Variants in CTNNA2 observed in about 807,000 individuals in gnomAD.
The protein encoded by CTNNA2 is catenin alpha-2.
CTNNA2 carries 42 observed loss-of-function variants against 101.0 expected under a neutral mutation model. That is an observed-to-expected ratio of 0.42 (90% CI 0.32 to 0.54). CTNNA2 has a LOEUF of 0.54. Ranked by LOEUF, CTNNA2 falls within the 20% of genes least tolerant of loss-of-function variation. The pLI, the probability that CTNNA2 is intolerant of heterozygous loss-of-function variation, is 0.14. For synonymous variants in CTNNA2, 450 were observed against 456.4 expected (o/e 0.99, Z 0.18); for missense variants, 871 against 1,223.1 (o/e 0.71, Z 4.29).
chr2:79,640,543 G>A (rs1680381259), intron 1 of CTNNA2, among the ~76,000 whole-genome samples: 1 of 152,082 alleles, frequency 6.6e-6, no homozygotes. Context: ...TATAAATTAC[G>A]TTCTCTAAAT....
chr2:79,395,974 A>G (rs888525717), intron 4 of CTNNA2, among the ~76,000 whole-genome samples: 2 of 152,134 alleles, frequency 1.3e-5, no homozygotes, highest in African/African-American at 4.8e-5. Context: ...CCATTAATGT[A>G]ACTGGGAGTT....
At chr2:80,630,049 G>C (rs534428915) in intron 18 of CTNNA2, among the ~76,000 whole-genome samples, 3 of 152,234 alleles carry the variant, frequency 2.0e-5, no homozygotes, top group South Asian at 4.1e-4. Context: ...AGGCCCCTGA[G>C]AGCCCACCAC....
chr2:79,400,719 G>A (rs1678281614), intron 4 of CTNNA2, among the ~76,000 whole-genome samples: 1 of 151,818 alleles, frequency 6.6e-6, no homozygotes, highest in African/African-American at 2.4e-5. Flanking sequence ...AGAGAAAAAG[G>A]GGTATAAAAA....
In CTNNA2 at chr2:80,168,624, C is replaced by A. The variant is rs543207200; in HGVS notation, c.1057-224587C>A. On this transcript the variant is annotated intron_variant, in intron 7 of 18. Coordinates refer to ENST00000402739, the MANE Select transcript of CTNNA2 (RefSeq NM_001282597.3). ...AGGAGTTGTTTCCAGGCCATAATAT[C>A]CATTCTTTTATGTAATTAATAGTAG... Among the ~76,000 whole-genome samples the A allele has an allele frequency of 1.1e-4, 16 of 152,264 alleles. No individual in the cohort carries two copies. The East Asian group carries it at 2.9e-3, about 28-fold the overall frequency.
chr2:79,848,474 G>T (rs1680415181), intron 3 of CTNNA2, among the ~76,000 whole-genome samples: 1 of 152,114 alleles, frequency 6.6e-6, no homozygotes, highest in Admixed American at 6.5e-5. Flanking sequence ...TCTCATTTGT[G>T]AAGTATGCCA....
rs147542100 is a variant in CTNNA2 at position 79,475,989 on chromosome 2, A to G, written c.-134-29065A>G. Among the ~76,000 whole-genome samples, 444 of 152,350 alleles carry G rather than the reference A, an allele frequency of 2.9e-3. 2 individuals are homozygous for G. The highest frequency in any genetic ancestry group is 9.7e-3 in the African/African-American group (405 of 41,576). On this transcript the variant is annotated intron_variant, in intron 4 of 21. Transcript: ENST00000466387. ...GATAAAAAATGTATTGCTGAATTCAACAACAGCCTAGATTCCTGGAATGAT... is the reference window on the plus strand; with the variant it reads ...GATAAAAAATGTATTGCTGAATTCAGCAACAGCCTAGATTCCTGGAATGAT...
rs771743686 is a variant in CTNNA2, at chr2:80,539,961, C to T, written c.1291-5021C>T. ...AATTCAAGAGTGGAGAAGGCAGAGG[C>T]GGGGCCCAGTTGAGCAAGTATATCC... On this transcript the variant is annotated intron_variant, in intron 9 of 18. Transcript: ENST00000402739. Among the ~76,000 whole-genome samples the T allele has an allele frequency of 1.4e-3, 209 of 152,150 alleles. 4 individuals are homozygous for T. The highest frequency in any genetic ancestry group is 2.1e-3 in the African/African-American group (89 of 41,420).
intron 4 of CTNNA2, among the ~76,000 whole-genome samples, chr2:79,401,828 A>G (rs1430934172): frequency 6.6e-6 from 1 of 151,590 alleles, no homozygotes; most frequent in African/African-American, 2.4e-5. Flanking sequence ...TTTATTGAAT[A>G]TATACCTTTT....
chr2:80,178,094 A>G, intron 7 of CTNNA2, among the ~76,000 whole-genome samples: 1 of 152,188 alleles, frequency 6.6e-6, no homozygotes, highest in East Asian at 1.9e-4. Context: ...GGAAATATCC[A>G]TGAGGCCATC....
chr2:80,589,472 A>G lies in CTNNA2; in HGVS notation c.2176A>G (p.Thr726Ala). 1 of 1,613,726 alleles carries G rather than the reference A, an allele frequency of 6.2e-7. No individual in the cohort carries two copies. The highest frequency in any genetic ancestry group is 8.5e-7 in the Non-Finnish European group (1 of 1,179,678). The change falls in exon 15 of 19, where the codon ACA becomes GCA. Residue 726 changes from threonine to alanine, a missense_variant. Thr to Ala is a moderately conservative substitution (Grantham distance 58). Around this residue, in one of 5 missense-constraint regions of CTNNA2, gnomAD observed 93 missense variants for 223.7 expected, o/e 0.42. Transcript: ENST00000402739. Reference sequence around the variant, plus strand: ...GATGTGTATGATCATGATGGAAATGACAGACTTCACAAGGTGAGGCCCAGA... The same window carrying G: ...GATGTGTATGATCATGATGGAAATGGCAGACTTCACAAGGTGAGGCCCAGA... The part of the protein sequence containing the change: ...KQMCMIMMEM[T>A]DFTRGKGPLK...
intron 11 of CTNNA2, 98 bp from the exon 12 acceptor site, chr2:80,555,594 TG>T (rs779713966): frequency 1.7e-5 from 10 of 577,762 alleles, no homozygotes; most frequent in Non-Finnish European, 2.9e-5. Context: ...TGCATTGAGA[TG>T]TGTCCAAGGC....
At chr2:80,433,167 C>T (rs985392503) in intron 9 of CTNNA2, among the ~76,000 whole-genome samples, 4 of 152,116 alleles carry the variant, frequency 2.6e-5, no homozygotes, top group Non-Finnish European at 4.4e-5. Flanking sequence ...ATCTCTGTTA[C>T]GTAGAGCTTA....
intron 7 of CTNNA2, among the ~76,000 whole-genome samples, chr2:80,377,542 C>G (rs1264278083): frequency 6.6e-6 from 1 of 152,108 alleles, no homozygotes; most frequent in South Asian, 2.1e-4. Context: ...GTGTCTACTT[C>G]GAAAGCTCTT....
chr2:79,334,858 T>TC (rs1301900538), intron 3 of CTNNA2, among the ~76,000 whole-genome samples: 1 of 152,106 alleles, frequency 6.6e-6, no homozygotes, highest in East Asian at 1.9e-4. Flanking sequence ...GGAAAAAGCC[T>TC]CCCTTGGTGA....
intron 1 of CTNNA2, among the ~76,000 whole-genome samples, chr2:79,531,312 A>G (rs2103934283): frequency 6.6e-6 from 1 of 150,842 alleles, no homozygotes; most frequent in East Asian, 2.0e-4. Flanking sequence ...CAGCAAATCA[A>G]TTTATAAGCA....
intron 7 of CTNNA2, among the ~76,000 whole-genome samples, chr2:80,237,570 C>G (rs929173965): frequency 6.6e-6 from 1 of 152,008 alleles, no homozygotes; most frequent in African/African-American, 2.4e-5. Context: ...CCATTGTTAA[C>G]TCCAAAATGT....
At chr2:79,187,765 CAA>C (rs1673800263) in intron 1 of CTNNA2, among the ~76,000 whole-genome samples, 1 of 152,070 alleles carries the variant, frequency 6.6e-6, no homozygotes, top group Non-Finnish European at 1.5e-5. Flanking sequence ...AAATAATGCT[CAA>C]GAGTTTCAAG....
chr2:79,315,955 C>T (rs1272059448), intron 3 of CTNNA2, among the ~76,000 whole-genome samples: 5 of 152,044 alleles, frequency 3.3e-5, no homozygotes, highest in Non-Finnish European at 5.9e-5. Context: ...TATATTTTCA[C>T]TGATGATGTC....
At chr2:79,721,793 G>T (rs978369344) in intron 2 of CTNNA2, among the ~76,000 whole-genome samples, 1 of 152,132 alleles carries the variant, frequency 6.6e-6, no homozygotes, top group Non-Finnish European at 1.5e-5. Context: ...TATTAGAAAA[G>T]TGTACTGCCA....
Sources: gnomAD v4.1 joint callset for allele counts (sites outside exome capture counted in the v4.1 genomes callset) on GRCh38, gnomAD v4.1.1 for gene constraint, gnomAD v4.1.1 regional missense constraint, MANE v1.5 for transcripts, NCBI Gene and HGNC (gene_info 2026-07-23, HGNC 2026-07-21) for gene names.